RGS7: variants seen among roughly 807,000 people sequenced by gnomAD.
RGS7 encodes regulator of G-protein signaling 7.
RGS7 carries 27 observed loss-of-function variants against 81.1 expected under a neutral mutation model. The ratio of observed to expected loss-of-function variants is 0.33; its 90% CI spans 0.25 to 0.46. RGS7 has a LOEUF of 0.46. RGS7 is among the 20% of genes least tolerant of loss of function. The pLI, the probability that RGS7 is intolerant of heterozygous loss-of-function variation, is 1.00. For missense variants in RGS7, 396 were observed against 607.4 expected, an observed-to-expected ratio of 0.65 and a Z score of 3.66; for synonymous variants, 208 against 207.7, an observed-to-expected ratio of 1.00 and a Z score of -0.01.
intron 6 of RGS7, among the ~76,000 whole-genome samples, chr1:240,911,402 G>C (rs1331478580): frequency 6.6e-6 from 1 of 152,028 alleles, no homozygotes; most frequent in Non-Finnish European, 1.5e-5. Context: ...TCTTCTTCTG[G>C]TGATTTCTTC....
intron 9 of RGS7, among the ~76,000 whole-genome samples, chr1:240,848,978 A>G (rs1432021842): frequency 6.6e-6 from 1 of 152,172 alleles, no homozygotes; most frequent in Non-Finnish European, 1.5e-5. Context: ...GCAGAATGTG[A>G]TATCTCCAAC....
intron 10 of RGS7, among the ~76,000 whole-genome samples, chr1:240,822,542 T>C (rs1691999265): frequency 6.6e-6 from 1 of 152,246 alleles, no homozygotes; most frequent in African/African-American, 2.4e-5. Context: ...TGATAAACTA[T>C]TAAACTTCTA....
chr1:241,268,369 C>T (rs947890273), intron 2 of RGS7, among the ~76,000 whole-genome samples: 4 of 152,164 alleles, frequency 2.6e-5, no homozygotes, highest in South Asian at 2.1e-4. Context: ...GGAGACTGTT[C>T]GGTGCATCGT....
intron 2 of RGS7, among the ~76,000 whole-genome samples, chr1:241,187,021 C>G (rs913125481): frequency 6.6e-6 from 1 of 152,074 alleles, no homozygotes; most frequent in Non-Finnish European, 1.5e-5. Context: ...ACATACTTCT[C>G]CAGAATGCCA....
At chr1:241,191,698 T>C (rs967733554) in intron 2 of RGS7, among the ~76,000 whole-genome samples, 1 of 152,230 alleles carries the variant, frequency 6.6e-6, no homozygotes, top group Non-Finnish European at 1.5e-5. Flanking sequence ...AAGCTTTTGG[T>C]TGAATTCTCT....
At chr1:241,107,001 T>A (rs957096611) in intron 2 of RGS7, among the ~76,000 whole-genome samples, 3 of 152,204 alleles carry the variant, frequency 2.0e-5, no homozygotes, top group Non-Finnish European at 4.4e-5. Context: ...ACTGTGTTTG[T>A]TGGGATTACT....
chr1:241,231,226 C>T (rs2075644578), intron 2 of RGS7, among the ~76,000 whole-genome samples: 1 of 152,158 alleles, frequency 6.6e-6, no homozygotes, highest in Non-Finnish European at 1.5e-5. Flanking sequence ...GACTCTGCCA[C>T]TGTTTTTTCA....
intron 2 of RGS7, among the ~76,000 whole-genome samples, chr1:241,127,602 T>A (rs1314466635): frequency 6.6e-6 from 1 of 151,960 alleles, no homozygotes; most frequent in African/African-American, 2.4e-5. Context: ...AAATGACGAG[T>A]TAATGGGTGC....
At chr1:241,143,065 C>T (rs12090669) in intron 2 of RGS7, among the ~76,000 whole-genome samples, 2,220 of 152,270 alleles carry the variant, frequency 0.015, 52 homozygotes, top group African/African-American at 0.051. Context: ...TGCTCCAGTT[C>T]CCAACAAGTT....
chr1:240,947,221 T>C (rs1678787445), intron 4 of RGS7, among the ~76,000 whole-genome samples: 1 of 152,204 alleles, frequency 6.6e-6, no homozygotes, highest in Non-Finnish European at 1.5e-5. Flanking sequence ...TCTTTAGTCT[T>C]CAAAATTCAA....
chr1:241,148,437 C>T (rs1330387119), intron 2 of RGS7, among the ~76,000 whole-genome samples: 1 of 152,114 alleles, frequency 6.6e-6, no homozygotes, highest in South Asian at 2.1e-4. Flanking sequence ...AAGTTAGAAA[C>T]CCTTTTGTTT....
At chr1:241,043,149 T>C (rs1299252883) in intron 3 of RGS7, among the ~76,000 whole-genome samples, 2 of 152,172 alleles carry the variant, frequency 1.3e-5, no homozygotes, top group Non-Finnish European at 2.9e-5. Context: ...ATTATCACTT[T>C]CCAGTTCAGT....
At chr1:241,119,096 A>G (rs948237081) in intron 2 of RGS7, among the ~76,000 whole-genome samples, 32 of 152,328 alleles carry the variant, frequency 2.1e-4, no homozygotes, top group African/African-American at 7.5e-4. Context: ...TATGAAATAA[A>G]AAATTAAAAT....
At chr1:241,339,732 A>G (rs1324496078) in intron 2 of RGS7, among the ~76,000 whole-genome samples, 1 of 152,162 alleles carries the variant, frequency 6.6e-6, no homozygotes. Context: ...AGAAAGGTGC[A>G]TGCCCTTTTT....
At chr1:241,186,117 A>G (rs1382042489) in intron 2 of RGS7, among the ~76,000 whole-genome samples, 2 of 152,198 alleles carry the variant, frequency 1.3e-5, no homozygotes, top group East Asian at 3.8e-4. Flanking sequence ...CAAATTATCA[A>G]TATCAGGGAA....
chr1:240,948,686 G>A (rs1281944319), intron 4 of RGS7, among the ~76,000 whole-genome samples: 5 of 151,818 alleles, frequency 3.3e-5, no homozygotes, highest in South Asian at 2.1e-4. Flanking sequence ...CAGGTGATCC[G>A]CCTGCCTCAG....
intron 9 of RGS7, among the ~76,000 whole-genome samples, chr1:240,850,032 A>T (rs1193224048): frequency 6.6e-6 from 1 of 152,240 alleles, no homozygotes; most frequent in Non-Finnish European, 1.5e-5. Flanking sequence ...TGCCTTCAGT[A>T]ACAGCTTCCT....
intron 2 of RGS7, among the ~76,000 whole-genome samples, chr1:241,193,831 T>C (rs747494764): frequency 2.0e-5 from 3 of 152,212 alleles, no homozygotes; most frequent in Non-Finnish European, 4.4e-5. Context: ...AACACCTTCT[T>C]TCCCAGAAAC....
intron 3 of RGS7, among the ~76,000 whole-genome samples, chr1:241,067,446 C>T (rs560803520): frequency 6.6e-6 from 1 of 152,074 alleles, no homozygotes; most frequent in Admixed American, 6.6e-5. Context: ...CGAGAGCTAT[C>T]CTTCCAGGGC....
Sources: allele counts gnomAD v4.1 joint callset (sites outside exome capture counted in the v4.1 genomes callset), GRCh38; gene constraint gnomAD v4.1.1; transcripts MANE v1.5; gene names NCBI Gene and HGNC (gene_info 2026-07-23, HGNC 2026-07-21).